The following ACSL4 variants were observed in gnomAD, a reference collection of about 807,000 sequenced individuals.
ACSL4 encodes the protein long-chain-fatty-acid--CoA ligase 4.
In ACSL4, 9 loss-of-function variants were observed where a neutral mutation model predicts 49.1. The ratio of observed to expected loss-of-function variants is 0.18; its 90% CI spans 0.11 to 0.32. The LOEUF (loss-of-function observed/expected upper bound fraction) is 0.32, where lower values mean the gene tolerates loss of function less well. Ranked by LOEUF, ACSL4 falls within the 10% of genes least tolerant of loss-of-function variation. The pLI is 1.00. For synonymous variants in ACSL4, 191 were observed against 170.3 expected (o/e 1.12, Z -0.95); for missense variants, 333 against 493.7 (o/e 0.67, Z 3.08).
Position 109,645,032 on chromosome X carries a change from G to A in ACSL4, c.1856-846C>T, listed in dbSNP as rs1340343331. ...GCTCGGAGGGTCCTACGCCCACGGAGTCTCGCTGATTGCTAGCACAGCAGT... is the reference window on the plus strand; with the variant it reads ...GCTCGGAGGGTCCTACGCCCACGGAATCTCGCTGATTGCTAGCACAGCAGT... On this transcript the variant is annotated intron_variant, in intron 15 of 15. Transcript: ENST00000672401. 5.3e-5 allele frequency among the ~76,000 whole-genome samples: 6 copies of A among 113,009 alleles called. No homozygotes were observed. The South Asian group carries it at 1.1e-3, about 20-fold the overall frequency.
At chrX:109,729,950 A>C (rs1429630239) in intron 1 of ACSL4, among the ~76,000 whole-genome samples, 1 of 112,517 alleles carries the variant, frequency 8.9e-6, no homozygotes, top group Non-Finnish European at 1.9e-5. Context: ...GCCAGGAGTC[A>C]GGGATGAAGG....
chrX:109,717,529 T>C (rs922197168), intron 1 of ACSL4, among the ~76,000 whole-genome samples: 1 of 111,104 alleles, frequency 9.0e-6, no homozygotes, highest in Non-Finnish European at 1.9e-5. Flanking sequence ...AAAGATTAAT[T>C]TCAAAATGCT....
At chrX:109,730,132 GATGGATTGC>G (rs1276314498) in intron 1 of ACSL4, among the ~76,000 whole-genome samples, 1 of 112,302 alleles carries the variant, frequency 8.9e-6, no homozygotes, top group Admixed American at 9.4e-5. Context: ...GAGTAAGGTT[GATGGATTGC>G]ATCGATTTCA....
At chrX:109,645,342 C>T (rs1934625557) in intron 15 of ACSL4, among the ~76,000 whole-genome samples, 1 of 112,369 alleles carries the variant, frequency 8.9e-6, no homozygotes, top group African/African-American at 3.2e-5. Context: ...GGCAGACTGC[C>T]TCCTCAAGTG....
At chrX:109,680,878 G>C (rs1175244048) in intron 6 of ACSL4, 120 bp downstream of exon 6, 6 of 759,886 alleles carry the variant, frequency 7.9e-6, no homozygotes, top group Non-Finnish European at 1.2e-5. Context: ...AAAGATTTTT[G>C]AACTTTTTTT....
At chrX:109,728,345 T>C (rs887819243) in intron 1 of ACSL4, among the ~76,000 whole-genome samples, 3 of 112,676 alleles carry the variant, frequency 2.7e-5, no homozygotes, top group Non-Finnish European at 5.6e-5. Context: ...AATGCAGAAG[T>C]AGACTTTCAA....
intron 1 of ACSL4, among the ~76,000 whole-genome samples, chrX:109,709,602 G>T (rs1251119733): frequency 2.7e-5 from 3 of 112,911 alleles, no homozygotes; most frequent in Admixed American, 9.4e-5. Flanking sequence ...GGGTCTGGCA[G>T]CATGGAGTTC....
chrX:109,678,628 G>A (rs950558439), intron 6 of ACSL4, among the ~76,000 whole-genome samples: 1 of 111,774 alleles, frequency 8.9e-6, no homozygotes, highest in Non-Finnish European at 1.9e-5. Flanking sequence ...CCTGGATTTC[G>A]AGACCAGCCT....
intron 1 of ACSL4, among the ~76,000 whole-genome samples, chrX:109,716,658 C>T (rs1240855883): frequency 3.6e-5 from 4 of 112,178 alleles, no homozygotes; most frequent in Non-Finnish European, 7.5e-5. Context: ...TGTTTAAGTA[C>T]TTAAAATGCC....
chrX:109,705,761 G>A (rs771523137), intron 1 of ACSL4, among the ~76,000 whole-genome samples: 93 of 112,636 alleles, frequency 8.3e-4, no homozygotes, highest in Non-Finnish European at 1.6e-3. Context: ...GCAATGGCAC[G>A]ATCTTGGCTC....
At chrX:109,711,718 G>A (rs1156255448) in intron 1 of ACSL4, among the ~76,000 whole-genome samples, 1 of 111,157 alleles carries the variant, frequency 9.0e-6, no homozygotes, top group Non-Finnish European at 1.9e-5. Flanking sequence ...GAAATGTGTA[G>A]AAAGCCTTCC....
Position 109,641,496 on chromosome X carries a change from A to G in ACSL4, c.*2533T>C, listed in dbSNP as rs1327738392. The G allele has an allele frequency of 8.8e-6, 1 of 113,125 alleles. No individual in the cohort carries two copies. The highest frequency in any genetic ancestry group is 1.9e-5 in the Non-Finnish European group (1 of 53,285). The allele number at this position is 113,125 out of a possible 1,213,427, so 9.3% of individuals were successfully genotyped here. ...TGAATACATTATAATTTGTAACTGC[A>G]TTTAAAAATTAAAATATTTCTCTCC... On this transcript the variant is annotated 3_prime_UTR_variant, in exon 16 of 16. Coordinates refer to ENST00000672401, the MANE Select transcript of ACSL4 (RefSeq NM_001318510.2).
chrX:109,646,486 C>A (rs1193035104), intron 15 of ACSL4, among the ~76,000 whole-genome samples: 1 of 108,969 alleles, frequency 9.2e-6, no homozygotes, highest in Non-Finnish European at 1.9e-5. Flanking sequence ...GATTTTGTCA[C>A]CACCAGGCCT....
chrX:109,676,434 G>C (rs1923693231), intron 8 of ACSL4, among the ~76,000 whole-genome samples: 2 of 111,672 alleles, frequency 1.8e-5, no homozygotes, highest in South Asian at 7.5e-4. Context: ...ATGCTCCATG[G>C]AGACTCTCAA....
intron 1 of ACSL4, among the ~76,000 whole-genome samples, chrX:109,696,624 TC>T (rs1397120636): frequency 8.9e-6 from 1 of 112,440 alleles, no homozygotes; most frequent in East Asian, 2.8e-4. Context: ...ACGAGTAAGT[TC>T]CTTGAAACAA....
At chrX:109,652,203 G>A (rs1364671539) in intron 15 of ACSL4, among the ~76,000 whole-genome samples, 1 of 111,982 alleles carries the variant, frequency 8.9e-6, no homozygotes, top group Admixed American at 9.5e-5. Context: ...ATTTCTGACA[G>A]ATTTGCTGAA....
chrX:109,649,661 C>A (rs1364691460), intron 15 of ACSL4, among the ~76,000 whole-genome samples: 3 of 110,526 alleles, frequency 2.7e-5, no homozygotes, highest in Non-Finnish European at 5.7e-5. Flanking sequence ...GCAACAAAAG[C>A]CAAAATTGAC....
At chrX:109,725,535 G>A (rs1927910424) in intron 1 of ACSL4, among the ~76,000 whole-genome samples, 1 of 110,846 alleles carries the variant, frequency 9.0e-6, no homozygotes, top group Non-Finnish European at 1.9e-5. Context: ...GGCCAAGGCG[G>A]GCGGATCACG....
chrX:109,724,556 C>T (rs1927814111), intron 1 of ACSL4, among the ~76,000 whole-genome samples: 1 of 111,731 alleles, frequency 9.0e-6, no homozygotes, highest in African/African-American at 3.3e-5. Flanking sequence ...AAGCAATCCT[C>T]CCACCTCAGC....
Sources: gnomAD v4.1 joint callset for allele counts (sites outside exome capture counted in the v4.1 genomes callset) on GRCh38, gnomAD v4.1.1 for gene constraint, MANE v1.5 for transcripts, NCBI Gene and HGNC (gene_info 2026-07-23, HGNC 2026-07-21) for gene names.